The following TBCD variants were observed in gnomAD, a reference collection of about 807,000 sequenced individuals.
The protein encoded by TBCD is tubulin-specific chaperone D.
TBCD carries 105 observed loss-of-function variants against 169.3 expected under a neutral mutation model. That is an observed-to-expected ratio of 0.62 (90% CI 0.53 to 0.73). The LOEUF is 0.73. TBCD is among the 30% of genes least tolerant of loss of function. The pLI, the probability that TBCD is intolerant of heterozygous loss-of-function variation, is 0.00. For synonymous variants in TBCD, 700 were observed against 643.9 expected (o/e 1.09, Z -1.32); for missense variants, 1,444 against 1,600.1 (o/e 0.90, Z 1.66).
chr17:82,854,912 C>A (rs929356103), intron 13 of TBCD, among the ~76,000 whole-genome samples: 15 of 152,210 alleles, frequency 9.9e-5, no homozygotes, highest in Non-Finnish European at 1.6e-4. Flanking sequence ...AGGCCCTGAT[C>A]GCATTCATGA....
chr17:82,921,235 T>C, intron 24 of TBCD: 1 of 537,708 alleles, frequency 1.9e-6, no homozygotes, highest in Non-Finnish European at 3.3e-6. Flanking sequence ...AACAAAAGAA[T>C]AAAAGTTTCC....
intron 22 of TBCD, among the ~76,000 whole-genome samples, chr17:82,910,047 C>A (rs1055475307): frequency 1.3e-5 from 2 of 152,268 alleles, no homozygotes; most frequent in African/African-American, 2.4e-5. Flanking sequence ...GCCGTGTTAT[C>A]CACTCACCAG....
At chr17:82,844,959 C>G (rs2054877099) in intron 13 of TBCD, among the ~76,000 whole-genome samples, 1 of 152,082 alleles carries the variant, frequency 6.6e-6, no homozygotes, top group Non-Finnish European at 1.5e-5. Context: ...AGGTACCCAG[C>G]CCAGAGGGCG....
chr17:82,763,849 C>T, intron 2 of TBCD, 116 bp from the exon 3 acceptor site: 1 of 789,578 alleles, frequency 1.3e-6, no homozygotes, highest in South Asian at 1.5e-5. Context: ...AAATGATCCT[C>T]CCACCTTGGT....
chr17:82,898,137 C>T (rs766933572), intron 17 of TBCD, among the ~76,000 whole-genome samples: 11 of 134,504 alleles, frequency 8.2e-5, no homozygotes, highest in Non-Finnish European at 1.3e-4. Context: ...TTCTGGTTTT[C>T]GTGAGCATTG....
intron 22 of TBCD, among the ~76,000 whole-genome samples, chr17:82,911,053 T>G (rs79745970): frequency 0.015 from 2,346 of 152,304 alleles, 60 homozygotes; most frequent in African/African-American, 0.053. Context: ...CTGTTTGGGC[T>G]CCACCCCACA....
At chr17:82,828,322 G>A in intron 13 of TBCD, among the ~76,000 whole-genome samples, 1 of 127,078 alleles carries the variant, frequency 7.9e-6, no homozygotes, top group Non-Finnish European at 1.6e-5. Flanking sequence ...ACAATCTAAT[G>A]CACACACACA....
chr17:82,760,589 A>G (rs2047700539), intron 2 of TBCD, among the ~76,000 whole-genome samples: 1 of 152,262 alleles, frequency 6.6e-6, no homozygotes, highest in Non-Finnish European at 1.5e-5. Context: ...AAATGGCAAC[A>G]CTGTAATGGA....
chr17:82,939,519 C>T (rs372415573), intron 37 of TBCD, 43 bp downstream of exon 37: 227 of 1,480,110 alleles, frequency 1.5e-4, no homozygotes, highest in Admixed American at 9.3e-4. Context: ...GGCCTGGCAC[C>T]GCCCCTCTTC....
intron 22 of TBCD, among the ~76,000 whole-genome samples, chr17:82,910,648 G>C (rs945695179): frequency 1.3e-5 from 2 of 151,896 alleles, no homozygotes; most frequent in Admixed American, 1.3e-4. Context: ...CTCACTGCAA[G>C]CTCACCTCCC....
At chr17:82,763,341 G>C (rs1232566408) in intron 2 of TBCD, among the ~76,000 whole-genome samples, 2 of 152,188 alleles carry the variant, frequency 1.3e-5, no homozygotes, top group East Asian at 3.8e-4. Context: ...GATATTAACA[G>C]AGCCACTCCA....
At position 82,942,535 on chromosome 17, in the gene TBCD, A is replaced by G. The variant is rs1274994399; in HGVS notation, c.*72A>G. On this transcript the variant is annotated 3_prime_UTR_variant, in exon 39 of 39. Coordinates refer to ENST00000355528, the MANE Select transcript of TBCD (RefSeq NM_005993.5). The stretch of plus-strand genomic sequence containing the variant: ...TTGTTCCTGAGGGAGGCCGGTGTGG[A>G]AAGCCTCGCACAGTGGTGCCTCCAG... 2 of 1,605,500 alleles carry G rather than the reference A, an allele frequency of 1.2e-6. No homozygotes were observed. Among genetic ancestry groups the G allele is most frequent in the Admixed American group, 1.7e-5 (1 of 59,766 alleles).
At chr17:82,919,775 C>G (rs2061303125) in intron 23 of TBCD, among the ~76,000 whole-genome samples, 1 of 152,148 alleles carries the variant, frequency 6.6e-6, no homozygotes, top group South Asian at 2.1e-4. Context: ...GTGGCAGTAT[C>G]TGTGACGATG....
At chr17:82,899,434 C>T (rs1174803028) in intron 17 of TBCD, among the ~76,000 whole-genome samples, 2 of 142,470 alleles carry the variant, frequency 1.4e-5, no homozygotes, top group Non-Finnish European at 3.1e-5. Context: ...TGCTCAGCAT[C>T]GTGCGCCTGG....
intron 13 of TBCD, among the ~76,000 whole-genome samples, chr17:82,839,767 A>C (rs1052165267): frequency 6.6e-6 from 1 of 152,262 alleles, no homozygotes; most frequent in African/African-American, 2.4e-5. Context: ...CGTGGTCTGC[A>C]TCCCAGCCAT....
chr17:82,837,683 C>A (rs781655022), intron 13 of TBCD, among the ~76,000 whole-genome samples: 1 of 152,180 alleles, frequency 6.6e-6, no homozygotes, highest in Non-Finnish European at 1.5e-5. Context: ...CCCACTGGAT[C>A]GGCAGGAAGC....
intron 19 of TBCD, among the ~76,000 whole-genome samples, chr17:82,904,773 G>A (rs544190786): frequency 1.5e-4 from 23 of 152,216 alleles, no homozygotes; most frequent in East Asian, 1.9e-4. Context: ...GGATCTTTCA[G>A]CTTCGTGATC....
At chr17:82,848,492 T>TA (rs2055346889) in intron 13 of TBCD, among the ~76,000 whole-genome samples, 1 of 152,216 alleles carries the variant, frequency 6.6e-6, no homozygotes, top group Non-Finnish European at 1.5e-5. Context: ...CGAGGTGTCT[T>TA]ACGCTTCGGC....
chr17:82,888,477 T>A (rs1209513367), intron 15 of TBCD, among the ~76,000 whole-genome samples: 1 of 152,290 alleles, frequency 6.6e-6, no homozygotes, highest in Non-Finnish European at 1.5e-5. Context: ...CTTTGTTGCA[T>A]TGCCTTTTGG....
Sources: gnomAD v4.1 joint callset for allele counts (sites outside exome capture counted in the v4.1 genomes callset) on GRCh38, gnomAD v4.1.1 for gene constraint, MANE v1.5 for transcripts, NCBI Gene and HGNC (gene_info 2026-07-23, HGNC 2026-07-21) for gene names.